Variants in MAD1L1 observed in about 807,000 individuals in gnomAD.
The protein encoded by MAD1L1 is mitotic spindle assembly checkpoint protein MAD1.
Under a neutral mutation model 96.9 loss-of-function variants are expected in MAD1L1, and 95 were observed. The observed-to-expected ratio is 0.98, with a 90% CI of 0.83 to 1.16. The LOEUF is 1.16. MAD1L1 is among the 50% of genes most tolerant of loss of function. The pLI, the probability that MAD1L1 is intolerant of heterozygous loss-of-function variation, is 0.00. For synonymous variants in MAD1L1, 473 were observed against 396.6 expected (o/e 1.19, Z -2.29); for missense variants, 1,007 against 954.4 (o/e 1.06, Z -0.73).
chr7:2,153,306 C>T (rs987312345), intron 10 of MAD1L1, among the ~76,000 whole-genome samples: 5 of 152,002 alleles, frequency 3.3e-5, no homozygotes, highest in African/African-American at 1.2e-4. Flanking sequence ...GGACTAACAT[C>T]CAAAATACAA....
At chr7:1,906,798 G>A (rs560569184) in intron 17 of MAD1L1, among the ~76,000 whole-genome samples, 21 of 152,342 alleles carry the variant, frequency 1.4e-4, no homozygotes, top group African/African-American at 5.1e-4. Context: ...ACAGACCTGA[G>A]CTCCTGCCCC....
At chr7:1,984,037 T>C (rs143972251) in intron 14 of MAD1L1, among the ~76,000 whole-genome samples, 5 of 152,356 alleles carry the variant, frequency 3.3e-5, no homozygotes, top group African/African-American at 1.2e-4. Flanking sequence ...ATTTACATGC[T>C]TTCTTGTTCA....
chr7:2,115,179 C>G (rs558987081), intron 11 of MAD1L1, among the ~76,000 whole-genome samples: 2 of 152,244 alleles, frequency 1.3e-5, no homozygotes, highest in Non-Finnish European at 2.9e-5. Context: ...CACCACGGGG[C>G]GCTGGCTCAG....
chr7:2,153,269 A>G (rs1450401228), intron 10 of MAD1L1, among the ~76,000 whole-genome samples: 2 of 152,224 alleles, frequency 1.3e-5, no homozygotes, highest in East Asian at 1.9e-4. Flanking sequence ...ATGCAGGAAA[A>G]TATCTGTCAA....
intron 11 of MAD1L1, among the ~76,000 whole-genome samples, chr7:2,117,574 G>A (rs777301059): frequency 1.6e-4 from 24 of 152,318 alleles, no homozygotes; most frequent in Non-Finnish European, 2.1e-4. Context: ...CTCGAGAGAG[G>A]TGACTGTTTT....
intron 15 of MAD1L1, among the ~76,000 whole-genome samples, chr7:1,976,712 T>A (rs900251044): frequency 3.3e-5 from 5 of 152,250 alleles, no homozygotes; most frequent in Non-Finnish European, 7.3e-5. Flanking sequence ...CTGATTGGTC[T>A]GTTTTGACAC....
chr7:1,977,664 A>G (rs1780708898), intron 15 of MAD1L1, among the ~76,000 whole-genome samples: 1 of 152,256 alleles, frequency 6.6e-6, no homozygotes, highest in Admixed American at 6.5e-5. Flanking sequence ...CTTTTCTTAA[A>G]TTGTAAAAAT....
At chr7:1,935,318 G>A (rs1160788927) in intron 17 of MAD1L1, among the ~76,000 whole-genome samples, 1 of 152,260 alleles carries the variant, frequency 6.6e-6, no homozygotes, top group Admixed American at 6.5e-5. Context: ...GAGACCGGGA[G>A]CAGCCCTTGT....
intron 10 of MAD1L1, among the ~76,000 whole-genome samples, chr7:2,150,119 G>A (rs372544837): frequency 3.9e-5 from 6 of 152,170 alleles, no homozygotes; most frequent in East Asian, 1.9e-4. Flanking sequence ...AGCCCGCACC[G>A]CACCACTGAA....
intron 11 of MAD1L1, among the ~76,000 whole-genome samples, chr7:2,077,417 C>T (rs1171566555): frequency 6.6e-6 from 1 of 152,162 alleles, no homozygotes; most frequent in Non-Finnish European, 1.5e-5. Flanking sequence ...CCACCGTGTC[C>T]CCCAGGACAC....
chr7:2,149,648 G>C lies in MAD1L1; in HGVS notation c.987-410C>G, dbSNP rs374139437. Reference sequence around the variant, plus strand: ...ACATATAACAACAAGAGTAAAATCAGCGATCTCCAGGTGTAGCGCTTTCTA... The same window carrying C: ...ACATATAACAACAAGAGTAAAATCACCGATCTCCAGGTGTAGCGCTTTCTA... On this transcript the variant is annotated intron_variant, in intron 10 of 18. Transcript: ENST00000265854. Among the ~76,000 whole-genome samples, 13 of 152,350 alleles carry C rather than the reference G, an allele frequency of 8.5e-5. 1 individual carries two copies. In the East Asian group the frequency reaches 2.3e-3, roughly 27 times the overall value.
intron 15 of MAD1L1, among the ~76,000 whole-genome samples, chr7:1,967,537 G>A (rs982809916): frequency 6.6e-6 from 1 of 152,240 alleles, no homozygotes; most frequent in Non-Finnish European, 1.5e-5. Context: ...GCAGCTGGCG[G>A]GAGGGTGTAG....
chr7:1,819,687 C>T (rs755066230), intron 18 of MAD1L1, among the ~76,000 whole-genome samples: 2 of 152,138 alleles, frequency 1.3e-5, no homozygotes, highest in Admixed American at 6.5e-5. Flanking sequence ...CCAGCGGGCA[C>T]GGACAAGAGG....
intron 12 of MAD1L1, among the ~76,000 whole-genome samples, chr7:2,049,152 A>G (rs993663183): frequency 6.6e-6 from 1 of 152,242 alleles, no homozygotes; most frequent in Non-Finnish European, 1.5e-5. Flanking sequence ...TGAGGCGTGC[A>G]TGCTTCATTC....
chr7:2,009,289 G>A (rs1030823997), intron 13 of MAD1L1, among the ~76,000 whole-genome samples: 2 of 152,216 alleles, frequency 1.3e-5, no homozygotes, highest in African/African-American at 4.8e-5. Flanking sequence ...AAATGGCTAG[G>A]ACAGGCAGCC....
intron 10 of MAD1L1, among the ~76,000 whole-genome samples, chr7:2,153,590 G>A (rs1238474267): frequency 6.6e-6 from 1 of 152,196 alleles, no homozygotes; most frequent in Non-Finnish European, 1.5e-5. Flanking sequence ...ACTCTCAGCT[G>A]CTGTTGGAAG....
At chr7:2,006,192 C>A (rs10252683) in intron 13 of MAD1L1, among the ~76,000 whole-genome samples, 2 of 152,102 alleles carry the variant, frequency 1.3e-5, no homozygotes, top group Admixed American at 6.5e-5. Flanking sequence ...AGAACACAGA[C>A]GAGCAGGCCC....
At chr7:1,882,737 A>G (rs1785762865) in intron 18 of MAD1L1, among the ~76,000 whole-genome samples, 1 of 152,188 alleles carries the variant, frequency 6.6e-6, no homozygotes, top group African/African-American at 2.4e-5. Context: ...GGCCCGCTGC[A>G]TGGCCCCTCG....
chr7:1,994,255 G>A (rs1475684889), intron 14 of MAD1L1, among the ~76,000 whole-genome samples: 10 of 152,334 alleles, frequency 6.6e-5, no homozygotes, highest in East Asian at 3.9e-4. Flanking sequence ...CGATGGTGGC[G>A]GTGATGGTGA....
Sources: allele counts gnomAD v4.1 joint callset (sites outside exome capture counted in the v4.1 genomes callset), GRCh38; gene constraint gnomAD v4.1.1; transcripts MANE v1.5; gene names NCBI Gene and HGNC (gene_info 2026-07-23, HGNC 2026-07-21).